Variants in EML1 observed in about 807,000 individuals in gnomAD.
The protein encoded by EML1 is echinoderm microtubule-associated protein-like 1.
A neutral mutation model predicts 110.4 loss-of-function variants in EML1; 27 were observed. The ratio of observed to expected loss-of-function variants is 0.24; its 90% confidence interval spans 0.18 to 0.34. The LOEUF (loss-of-function observed/expected upper bound fraction) is 0.34. EML1 is among the 10% of genes least tolerant of loss of function. The pLI, the probability that EML1 is intolerant of heterozygous loss-of-function variation, is 1.00. For synonymous variants in EML1, 344 were observed against 385.8 expected, an observed-to-expected ratio of 0.89 and a Z score of 1.27; for missense variants, 741 against 1,030.9, an observed-to-expected ratio of 0.72 and a Z score of 3.85.
At chr14:99,852,742 T>C (rs1459568328) in intron 2 of EML1, among the ~76,000 whole-genome samples, 1 of 152,212 alleles carries the variant, frequency 6.6e-6, no homozygotes, top group Non-Finnish European at 1.5e-5. Flanking sequence ...TTTTCTCAAG[T>C]ACTTGGCTGC....
intron 1 of EML1, chr14:99,850,207 C>G (rs2058771988): frequency 9.3e-7 from 1 of 1,070,158 alleles, no homozygotes; most frequent in Admixed American, 2.3e-5. Context: ...CCAAAGTGTT[C>G]TCTGTGTTCT....
intron 8 of EML1, among the ~76,000 whole-genome samples, chr14:99,900,248 G>A (rs1373627787): frequency 6.9e-6 from 1 of 144,336 alleles, no homozygotes; most frequent in Non-Finnish European, 1.5e-5. Flanking sequence ...GAGTGCAGTA[G>A]TGCAATCTTG....
At chr14:99,873,432 G>T (rs73358481) in intron 3 of EML1, among the ~76,000 whole-genome samples, 141 of 152,288 alleles carry the variant, frequency 9.3e-4, no homozygotes, top group African/African-American at 3.2e-3. Context: ...CCAAAATCTG[G>T]CTTCAGTTGA....
At chr14:99,923,748 T>C (rs2060180088) in intron 17 of EML1, among the ~76,000 whole-genome samples, 2 of 126,524 alleles carry the variant, frequency 1.6e-5, no homozygotes, top group South Asian at 4.4e-4. Context: ...GTGTTGGCTA[T>C]TTTAGGTTCC....
intron 4 of EML1, among the ~76,000 whole-genome samples, chr14:99,880,883 A>G (rs2059373926): frequency 6.6e-6 from 1 of 152,250 alleles, no homozygotes; most frequent in South Asian, 2.1e-4. Context: ...AATGATCGTC[A>G]TCCCTGTGAT....
intron 1 of EML1, among the ~76,000 whole-genome samples, chr14:99,819,687 G>T (rs1273995841): frequency 6.6e-6 from 1 of 152,188 alleles, no homozygotes; most frequent in African/African-American, 2.4e-5. Flanking sequence ...AGGAAGCTCT[G>T]TCTGGAGGTT....
chr14:99,759,569 G>C (rs10131227), intron 1 of EML1, among the ~76,000 whole-genome samples: 1 of 152,182 alleles, frequency 6.6e-6, no homozygotes, highest in Non-Finnish European at 1.5e-5. Context: ...GACACTTCCT[G>C]TCCTTTCATC....
At chr14:99,903,973 G>A (rs970371012) in intron 9 of EML1, among the ~76,000 whole-genome samples, 8 of 151,894 alleles carry the variant, frequency 5.3e-5, no homozygotes, top group South Asian at 2.1e-4. Context: ...TAGTAGAGAC[G>A]GGTTTCACTG....
intron 1 of EML1, among the ~76,000 whole-genome samples, chr14:99,840,561 C>G (rs1036389471): frequency 2.0e-5 from 3 of 152,154 alleles, no homozygotes; most frequent in African/African-American, 7.2e-5. Flanking sequence ...CATACAGCGG[C>G]TGGTGAATCA....
At chr14:99,897,794 T>C (rs1351166312) in intron 7 of EML1, among the ~76,000 whole-genome samples, 2 of 152,216 alleles carry the variant, frequency 1.3e-5, no homozygotes, top group African/African-American at 4.8e-5. Context: ...TAGCTTTTGG[T>C]AGGCATATTA....
rs2060475127 is a variant in EML1, at chr14:99,936,558, A to G, written c.2095+224A>G. On this transcript the variant is annotated intron_variant, in intron 19 of 21. Coordinates refer to ENST00000262233, the MANE Select transcript of EML1 (RefSeq NM_004434.3). This position sits in a 1 kb window ranked among gnomAD's most constrained non-coding sequence, Gnocchi z 5.5. ...TGAGCCCCTATGGAGGAGAAGATCC[A>G]GGGCCTGCCCCAAGGGGAAGAAGGC... Among the ~76,000 whole-genome samples, 2 of 152,116 alleles carry G rather than the reference A, an allele frequency of 1.3e-5. No individual in the cohort carries two copies. Among genetic ancestry groups the G allele is most frequent in the Admixed American group, 6.5e-5 (1 of 15,282 alleles).
intron 2 of EML1, 35 bp from the exon 3 acceptor site, chr14:99,865,479 G>T: frequency 6.2e-7 from 1 of 1,612,150 alleles, no homozygotes; most frequent in Non-Finnish European, 8.5e-7. Context: ...TTGCAAAGGG[G>T]AACTTTCTGA....
At chr14:99,814,152 C>T (rs900203699) in intron 1 of EML1, among the ~76,000 whole-genome samples, 25 of 152,186 alleles carry the variant, frequency 1.6e-4, no homozygotes. Context: ...GAGCTGTTGC[C>T]ATTTTCATGG....
At position 99,911,454 on chromosome 14, in the gene EML1, G is replaced by T; in HGVS notation, c.1372G>T (p.Ala458Ser). Residue 458 changes from alanine (A) to serine (S), a missense_variant, in exon 13 of 22, where the codon GCC becomes TCC. Physicochemically the swap from Ala to Ser is moderately conservative, Grantham distance 99. Transcript: ENST00000262233. ...TNRISYAVQG[A>S]HEGGIFALCM... is the part of the protein sequence containing the mutation. Reference sequence around the variant, plus strand: ...TCGAATAAGCTATGCAGTTCAGGGGGCCCATGAGGGTGGCATTTTTGCACT... The same window carrying T: ...TCGAATAAGCTATGCAGTTCAGGGGTCCCATGAGGGTGGCATTTTTGCACT... 6.2e-7 allele frequency: 1 copy of T among 1,611,600 alleles called. No individual in the cohort carries two copies. Among genetic ancestry groups the T allele is most frequent in the East Asian group, 2.2e-5 (1 of 44,754 alleles).
chr14:99,810,106 C>T (rs2058050614), intron 1 of EML1, among the ~76,000 whole-genome samples: 1 of 152,238 alleles, frequency 6.6e-6, no homozygotes, highest in Admixed American at 6.5e-5. Flanking sequence ...GTGATGTTTA[C>T]GTGGAAGCCT....
At chr14:99,845,766 C>G (rs2058697351) in intron 1 of EML1, among the ~76,000 whole-genome samples, 1 of 152,148 alleles carries the variant, frequency 6.6e-6, no homozygotes, top group African/African-American at 2.4e-5. Flanking sequence ...ATTGACAGAG[C>G]CTGGCTGGGC....
chr14:99,891,075 A>G, intron 4 of EML1, 124 bp from the exon 5 acceptor site: 1 of 1,053,468 alleles, frequency 9.5e-7, no homozygotes, highest in Non-Finnish European at 1.4e-6. Flanking sequence ...TTTTCTTATT[A>G]ACGTGTATAA....
At chr14:99,847,488 T>C (rs2058725412) in intron 1 of EML1, among the ~76,000 whole-genome samples, 1 of 152,234 alleles carries the variant, frequency 6.6e-6, no homozygotes, top group South Asian at 2.1e-4. Flanking sequence ...TAGCTAGGAC[T>C]ACAGGCATAT....
intron 1 of EML1, among the ~76,000 whole-genome samples, chr14:99,822,897 C>T (rs78968687): frequency 0.016 from 2,498 of 152,310 alleles, 77 homozygotes; most frequent in African/African-American, 0.058. Flanking sequence ...TCTCTCCAGT[C>T]TTTTCCTATT....
Sources: gnomAD v4.1 joint callset for allele counts (sites outside exome capture counted in the v4.1 genomes callset) on GRCh38, gnomAD v4.1.1 for gene constraint, Gnocchi (gnomAD v3.1) non-coding constraint, MANE v1.5 for transcripts, NCBI Gene and HGNC (gene_info 2026-07-23, HGNC 2026-07-21) for gene names.